The following GABRB3 variants were observed in gnomAD, a reference collection of about 807,000 sequenced individuals.
GABRB3 encodes gamma-aminobutyric acid type A receptor subunit beta3.
In GABRB3, 14 loss-of-function variants were observed where a neutral mutation model predicts 52.1. That is an observed-to-expected ratio of 0.27 (90% CI 0.18 to 0.42). The LOEUF (loss-of-function observed/expected upper bound fraction) is 0.42, where lower values mean the gene tolerates loss of function less well. GABRB3 is among the 10% of genes least tolerant of loss of function. The probability of loss-of-function intolerance (pLI) is 1.00; values close to 1 mark genes in which losing one functional copy is unlikely to be tolerated. For synonymous variants in GABRB3, 260 were observed against 232.3 expected, an observed-to-expected ratio of 1.12 and a Z score of -1.08; for missense variants, 307 against 609.1, an observed-to-expected ratio of 0.50 and a Z score of 5.22.
At chr15:26,626,304 T>C (rs1349833095) in intron 3 of GABRB3, among the ~76,000 whole-genome samples, 2 of 152,136 alleles carry the variant, frequency 1.3e-5, no homozygotes, top group African/African-American at 2.4e-5. Flanking sequence ...TCCCTCTCCT[T>C]GGGCCTCCCT....
intron 3 of GABRB3, among the ~76,000 whole-genome samples, chr15:26,723,812 C>A (rs537586175): frequency 6.6e-6 from 1 of 152,158 alleles, no homozygotes; most frequent in East Asian, 1.9e-4. Context: ...AAACCAAGGC[C>A]ACGATTCCTA....
chr15:26,692,142 C>T (rs1400303450), intron 3 of GABRB3, among the ~76,000 whole-genome samples: 1 of 152,154 alleles, frequency 6.6e-6, no homozygotes, highest in Non-Finnish European at 1.5e-5. Flanking sequence ...TTGATCAACT[C>T]AATATTGACG....
chr15:26,712,563 C>G (rs1236905383), intron 3 of GABRB3, among the ~76,000 whole-genome samples: 1 of 152,044 alleles, frequency 6.6e-6, no homozygotes, highest in African/African-American at 2.4e-5. Flanking sequence ...GCCGAGAGCC[C>G]GTGACTCCAG....
intron 3 of GABRB3, among the ~76,000 whole-genome samples, chr15:26,702,764 C>T (rs1286096405): frequency 6.6e-6 from 1 of 152,184 alleles, no homozygotes; most frequent in African/African-American, 2.4e-5. Flanking sequence ...CATGAATGTT[C>T]ATAGCAGCCT....
At chr15:26,692,307 A>T (rs1224347355) in intron 3 of GABRB3, among the ~76,000 whole-genome samples, 1 of 152,074 alleles carries the variant, frequency 6.6e-6, no homozygotes, top group East Asian at 1.9e-4. Context: ...AACAGAAATA[A>T]GAGACCAAAC....
At chr15:26,634,335 C>A (rs1338702294) in intron 3 of GABRB3, among the ~76,000 whole-genome samples, 1 of 152,112 alleles carries the variant, frequency 6.6e-6, no homozygotes, top group African/African-American at 2.4e-5. Flanking sequence ...GTTCACCCAC[C>A]CGCCCACTCA....
At chr15:26,555,042 G>C (rs1311313679) in intron 8 of GABRB3, among the ~76,000 whole-genome samples, 1 of 152,036 alleles carries the variant, frequency 6.6e-6, no homozygotes, top group Non-Finnish European at 1.5e-5. Context: ...AAATTAGCTG[G>C]GTGTGGTGGC....
chr15:26,552,281 A>G (rs2140655638), intron 8 of GABRB3, among the ~76,000 whole-genome samples: 1 of 152,358 alleles, frequency 6.6e-6, no homozygotes, highest in East Asian at 1.9e-4. Flanking sequence ...TGCTGGGATT[A>G]CAAGTGTGAG....
Position 26,621,779 on chromosome 15 carries a change from G to A in GABRB3, c.241-245C>T, listed in dbSNP as rs1892493948. 6.6e-6 allele frequency among the ~76,000 whole-genome samples: 1 copy of A among 152,178 alleles called. No individual in the cohort carries two copies. Among genetic ancestry groups the A allele is most frequent in the Non-Finnish European group, 1.5e-5 (1 of 68,042 alleles). On this transcript the variant is annotated intron_variant, in intron 3 of 8. Coordinates refer to ENST00000311550, the MANE Select transcript of GABRB3 (RefSeq NM_000814.6). The surrounding 1 kb of genome is among the most constrained non-coding windows in gnomAD (Gnocchi z 4.1). ...TCCTCTGTTTTACTTAGGTTAAGAA[G>A]CAGACTAGACAAACTGGCATTTAAC...
At chr15:26,764,722 G>T (rs1004603045) in intron 3 of GABRB3, among the ~76,000 whole-genome samples, 18 of 152,090 alleles carry the variant, frequency 1.2e-4, no homozygotes, top group Non-Finnish European at 2.1e-4. Flanking sequence ...GGCATAAATG[G>T]CCCAGAAGTA....
chr15:26,727,096 T>C (rs1192871164), intron 3 of GABRB3, among the ~76,000 whole-genome samples: 1 of 152,046 alleles, frequency 6.6e-6, no homozygotes, highest in African/African-American at 2.4e-5. Context: ...GAGGTGGAGG[T>C]TGCAGTGAGT....
intron 3 of GABRB3, among the ~76,000 whole-genome samples, chr15:26,674,456 A>G (rs34415397): frequency 0.084 from 6,822 of 81,464 alleles, 85 homozygotes; most frequent in Middle Eastern, 0.13. Context: ...GGAAAGGAAA[A>G]GAAAAGAAAA....
intron 3 of GABRB3, among the ~76,000 whole-genome samples, chr15:26,733,118 T>A (rs1337981009): frequency 6.6e-6 from 1 of 152,206 alleles, no homozygotes; most frequent in Non-Finnish European, 1.5e-5. Context: ...TGTTTCCTCT[T>A]CTATTCAACA....
intron 4 of GABRB3, among the ~76,000 whole-genome samples, chr15:26,619,525 G>A (rs1892392286): frequency 1.7e-5 from 2 of 116,958 alleles, no homozygotes; most frequent in South Asian, 7.2e-4. Flanking sequence ...TTGTGGGGTG[G>A]GGGGAGGGGG....
Position 26,547,787 on chromosome 15 carries a change from A to G in GABRB3, c.*6T>C, listed in dbSNP as rs112816587. ...ATGAAGTCTTTGAAAAATCAAGTAC[A>G]GTCACTCAGTTAACATAGTACAGCC... On this transcript the variant is annotated 3_prime_UTR_variant, in exon 9 of 9. Coordinates refer to ENST00000311550, the MANE Select transcript of GABRB3 (RefSeq NM_000814.6). 2.5e-6 allele frequency: 4 copies of G among 1,609,938 alleles called. No homozygotes were observed. The highest frequency in any genetic ancestry group is 3.4e-6 in the Non-Finnish European group (4 of 1,176,488).
In GABRB3 at chr15:26,564,053, T is replaced by C. The variant is rs1890078732; in HGVS notation, c.836-2877A>G. On this transcript the variant is annotated intron_variant, in intron 7 of 8. Transcript: ENST00000311550. ...TCAGTACTTTTGCAGATTGAGCATC[T>C]CTAACCTAAAAATCCAAAATCTGAA... 2.6e-5 allele frequency among the ~76,000 whole-genome samples: 4 copies of C among 152,172 alleles called. No individual in the cohort carries two copies. The South Asian group carries it at 8.3e-4, about 32-fold the overall frequency.
chr15:26,632,753 T>G (rs781484755), intron 3 of GABRB3, among the ~76,000 whole-genome samples: 2 of 152,214 alleles, frequency 1.3e-5, no homozygotes, highest in African/African-American at 4.8e-5. Flanking sequence ...TTGGGAAAGT[T>G]ATCTAATTAT....
chr15:26,592,038 T>C (rs945808445), intron 4 of GABRB3, among the ~76,000 whole-genome samples: 1 of 152,102 alleles, frequency 6.6e-6, no homozygotes, highest in Non-Finnish European at 1.5e-5. Flanking sequence ...TCAGAGAACA[T>C]GACTCCCTGG....
At chr15:26,708,540 G>C (rs548957519) in intron 3 of GABRB3, among the ~76,000 whole-genome samples, 6 of 152,304 alleles carry the variant, frequency 3.9e-5, no homozygotes, top group African/African-American at 1.4e-4. Context: ...CACTGCATGA[G>C]GAGAGGAGCT....
Sources: gnomAD v4.1 joint callset for allele counts (sites outside exome capture counted in the v4.1 genomes callset) on GRCh38, gnomAD v4.1.1 for gene constraint, Gnocchi (gnomAD v3.1) non-coding constraint, MANE v1.5 for transcripts, NCBI Gene and HGNC (gene_info 2026-07-23, HGNC 2026-07-21) for gene names.